Variants in ZNF462 observed in about 807,000 individuals in gnomAD.
ZNF462 encodes the protein zinc finger protein 462.
ZNF462 carries 10 observed loss-of-function variants against 201.9 expected under a neutral mutation model. The observed-to-expected ratio is 0.05, with a 90% confidence interval of 0.03 to 0.08. The LOEUF is 0.08. ZNF462 is among the 10% of genes least tolerant of loss of function. The pLI is 1.00. For missense variants in ZNF462, 2,523 were observed against 3,168.3 expected (o/e 0.80, Z 4.89); for synonymous variants, 1,227 against 1,193.3 (o/e 1.03, Z -0.58).
Position 106,928,809 on chromosome 9 carries a change from T to C in ZNF462, c.4897T>C (p.Ser1633Pro), listed in dbSNP as rs1366624608. 6.2e-7 allele frequency: 1 copy of C among 1,614,062 alleles called. No homozygotes were observed. Among genetic ancestry groups the C allele is most frequent in the East Asian group, 2.2e-5 (1 of 44,882 alleles). ...MTTEVSPSQVSITEEEVGEEP... is the reference protein window; with the variant it reads ...MTTEVSPSQVPITEEEVGEEP... The stretch of plus-strand genomic sequence containing the variant: ...CACTGAAGTGAGCCCTTCCCAAGTC[T>C]CCATCACTGAGGAGGAGGTGGGAGA... Residue 1633 changes from serine to proline, a missense_variant, in exon 3 of 13, where the codon TCC (serine) becomes CCC (proline). By Grantham distance (74) the Ser-to-Pro change is moderately conservative (BLOSUM62 -1). Around this residue, in one of 15 missense-constraint regions of ZNF462, gnomAD observed 200 missense variants for 281.3 expected, o/e 0.71. Transcript: ENST00000277225. This position sits in a 1 kb window ranked among gnomAD's most constrained non-coding sequence, Gnocchi z 9.3.
intron 1 of ZNF462, among the ~76,000 whole-genome samples, chr9:106,864,289 G>C (rs1195668550): frequency 2.6e-5 from 4 of 151,838 alleles, no homozygotes; most frequent in Non-Finnish European, 4.4e-5. Context: ...AGAAGCGTCT[G>C]GTGGAGGAGG....
intron 1 of ZNF462, among the ~76,000 whole-genome samples, chr9:106,878,120 A>G (rs886239169): frequency 2.0e-5 from 3 of 152,144 alleles, no homozygotes; most frequent in African/African-American, 7.2e-5. Flanking sequence ...GCTGTGGGGT[A>G]TGACCTGAAT....
chr9:106,974,502 G>T lies in ZNF462; in HGVS notation c.6832+229G>T, dbSNP rs1826849965. 3.3e-6 allele frequency: 2 copies of T among 614,466 alleles called. No homozygotes were observed. Among genetic ancestry groups the T allele is most frequent in the Middle Eastern group, 4.5e-4 (1 of 2,242 alleles). The allele number at this position is 614,466 out of a possible 1,614,324, so 38.1% of individuals were successfully genotyped here. A position where few individuals can be genotyped will look rare whatever the true frequency, so the allele number is the denominator to read the frequency against. On this transcript the variant is annotated intron_variant, in intron 9 of 12. Coordinates refer to ENST00000277225, the MANE Select transcript of ZNF462 (RefSeq NM_021224.6). The surrounding 1 kb of genome is among the most constrained non-coding windows in gnomAD (Gnocchi z 4.0). ...GGAGGCAAAGGTGATGGATTCTGCAGTGAACATTTCCGTAGGGCTTCCCAG... is the reference window on the plus strand; with the variant it reads ...GGAGGCAAAGGTGATGGATTCTGCATTGAACATTTCCGTAGGGCTTCCCAG...
intron 1 of ZNF462, among the ~76,000 whole-genome samples, chr9:106,889,413 G>A (rs1472297962): frequency 1.3e-5 from 2 of 152,228 alleles, no homozygotes; most frequent in Non-Finnish European, 2.9e-5. Context: ...GTGATGGGAT[G>A]TGGTATAGGT....
chr9:106,861,374 T>C (rs1248671092), upstream of ZNF462, among the ~76,000 whole-genome samples: 1 of 152,092 alleles, frequency 6.6e-6, no homozygotes, highest in Non-Finnish European at 1.5e-5. Flanking sequence ...GGACTGTTGC[T>C]TGGGGGGAGG....
At position 106,919,984 on chromosome 9, in the gene ZNF462, A is replaced by G. The variant is rs1429897965; in HGVS notation, c.-30-3370A>G. Among the ~76,000 whole-genome samples the G allele has an allele frequency of 2.0e-5, 3 of 152,210 alleles. No homozygotes were observed. The highest frequency in any genetic ancestry group is 6.5e-5 in the Admixed American group (1 of 15,284). ...GATTTTGGTGAGAAAAAATATTGCT[A>G]ATTTCATAATCATAGTATTATTAAA... On this transcript the variant is annotated intron_variant, in intron 1 of 12. Transcript: ENST00000277225. The surrounding 1 kb of genome is among the most constrained non-coding windows in gnomAD (Gnocchi z 4.5).
At chr9:106,877,593 G>A (rs568702086) in intron 1 of ZNF462, among the ~76,000 whole-genome samples, 3 of 151,832 alleles carry the variant, frequency 2.0e-5, no homozygotes, top group Non-Finnish European at 2.9e-5. Context: ...TGTTGGCCAC[G>A]CTGGTCTTGA....
Position 106,895,238 on chromosome 9 carries a change from A to T in ZNF462, c.-30-28116A>T, listed in dbSNP as rs1024294514. 2.0e-5 allele frequency among the ~76,000 whole-genome samples: 3 copies of T among 152,220 alleles called. No individual in the cohort carries two copies. In the South Asian group the frequency reaches 6.2e-4, roughly 31 times the overall value. On this transcript the variant is annotated intron_variant, in intron 1 of 12. Transcript: ENST00000277225. The surrounding 1 kb of genome is among the most constrained non-coding windows in gnomAD (Gnocchi z 4.4). ...ACTGTTCTTGACATATGTTAGAAAA[A>T]ATTGAGCTTAGACCACAGCTCATTA...
chr9:106,871,238 T>TA (rs1293736373), intron 1 of ZNF462, among the ~76,000 whole-genome samples: 1 of 152,222 alleles, frequency 6.6e-6, no homozygotes, highest in Admixed American at 6.5e-5. Flanking sequence ...ACCTGTGAAT[T>TA]AGAGCTCCAG....
At chr9:106,980,244 G>C (rs2132189751) in intron 9 of ZNF462, among the ~76,000 whole-genome samples, 1 of 152,132 alleles carries the variant, frequency 6.6e-6, no homozygotes, top group Non-Finnish European at 1.5e-5. Flanking sequence ...CTATGTTTTG[G>C]GATGATTTAT....
intron 1 of ZNF462, among the ~76,000 whole-genome samples, chr9:106,912,451 A>G (rs1564093192): frequency 6.6e-6 from 1 of 152,192 alleles, no homozygotes; most frequent in Non-Finnish European, 1.5e-5. Flanking sequence ...GTGTGGATTC[A>G]GAGTAGAGGA....
intron 1 of ZNF462, among the ~76,000 whole-genome samples, chr9:106,889,164 A>C (rs775855331): frequency 2.0e-5 from 3 of 152,168 alleles, no homozygotes; most frequent in Non-Finnish European, 2.9e-5. Context: ...GTTTTGCAAA[A>C]TATTGGCCTA....
chr9:106,951,925 A>T (rs1477801385), intron 7 of ZNF462, among the ~76,000 whole-genome samples: 1 of 148,078 alleles, frequency 6.8e-6, no homozygotes, highest in Non-Finnish European at 1.5e-5. Context: ...CTTTCGGTGT[A>T]TTGCTGGGCT....
At chr9:107,004,158 C>A (rs894461055) in intron 11 of ZNF462, among the ~76,000 whole-genome samples, 1 of 152,078 alleles carries the variant, frequency 6.6e-6, no homozygotes, top group African/African-American at 2.4e-5. Context: ...TTGTGAAAAA[C>A]CCCAGACTAT....
upstream of ZNF462, among the ~76,000 whole-genome samples, chr9:106,861,450 CGGAT>C (rs1237804777): frequency 6.6e-6 from 1 of 152,174 alleles, no homozygotes; most frequent in Non-Finnish European, 1.5e-5. Flanking sequence ...GCGCCTTCAC[CGGAT>C]GCGCGCTCCT....
rs1487873953 is a variant in ZNF462 at position 106,902,092 on chromosome 9, C to T, written c.-30-21262C>T. 1.3e-5 allele frequency among the ~76,000 whole-genome samples: 2 copies of T among 152,014 alleles called. No homozygotes were observed. The highest frequency in any genetic ancestry group is 6.6e-5 in the Admixed American group (1 of 15,250). The stretch of plus-strand genomic sequence containing the variant: ...GCTTTTATTACATTAAGGTATGTCT[C>T]TCGTATGCTGATTTTGCCAAGCGTT... On this transcript the variant is annotated intron_variant, in intron 1 of 12. Coordinates refer to ENST00000277225, the MANE Select transcript of ZNF462 (RefSeq NM_021224.6). The surrounding 1 kb of genome is among the most constrained non-coding windows in gnomAD (Gnocchi z 4.2).
In ZNF462 at chr9:106,997,895, T is replaced by C. The variant is rs556602383; in HGVS notation, c.7057-5399T>C. Among the ~76,000 whole-genome samples the C allele has an allele frequency of 9.2e-5, 14 of 152,286 alleles. 1 individual carries two copies. In the East Asian group the frequency reaches 2.5e-3, roughly 27 times the overall value. On this transcript the variant is annotated intron_variant, in intron 10 of 12. Coordinates refer to ENST00000277225, the MANE Select transcript of ZNF462 (RefSeq NM_021224.6). Reference sequence around the variant, plus strand: ...ATCAAAAAAATTGTAATGTGAAATATGAAATTCAGATTTCACTTTCCCTAA... The same window carrying C: ...ATCAAAAAAATTGTAATGTGAAATACGAAATTCAGATTTCACTTTCCCTAA...
In ZNF462 at chr9:106,935,481, T is replaced by G; in HGVS notation, c.6117-22T>G. On this transcript the variant is annotated intron_variant, in intron 5 of 12. Coordinates refer to ENST00000277225, the MANE Select transcript of ZNF462 (RefSeq NM_021224.6). This position sits in a 1 kb window ranked among gnomAD's most constrained non-coding sequence, Gnocchi z 4.1. ...AATTTTTAATTTTGTCATTTTTCTT[T>G]TTGTTTTCCTTCTACATCAAGTTTG... is the stretch of plus-strand genomic sequence containing the variant. 1 of 1,605,974 alleles carries G rather than the reference T, an allele frequency of 6.2e-7. No homozygotes were observed.
rs1333203099 is a variant in ZNF462, at chr9:106,880,183, A to G, written c.-31+16828A>G. 6.6e-6 allele frequency among the ~76,000 whole-genome samples: 1 copy of G among 152,014 alleles called. No homozygotes were observed. Among genetic ancestry groups the G allele is most frequent in the Non-Finnish European group, 1.5e-5 (1 of 68,020 alleles). Reference sequence around the variant, plus strand: ...AGGAGGATTTTCACAGCCTCTCTTGAATGAATACTTGCCTCAGATGCTGAT... The same window carrying G: ...AGGAGGATTTTCACAGCCTCTCTTGGATGAATACTTGCCTCAGATGCTGAT... On this transcript the variant is annotated intron_variant, in intron 1 of 12. Coordinates refer to ENST00000277225, the MANE Select transcript of ZNF462 (RefSeq NM_021224.6). This position sits in a 1 kb window ranked among gnomAD's most constrained non-coding sequence, Gnocchi z 4.1.
Sources: allele counts gnomAD v4.1 joint callset (sites outside exome capture counted in the v4.1 genomes callset), GRCh38; gene constraint gnomAD v4.1.1; regional missense constraint gnomAD v4.1.1; non-coding constraint Gnocchi (gnomAD v3.1); transcripts MANE v1.5; gene names NCBI Gene and HGNC (gene_info 2026-07-23, HGNC 2026-07-21).